The following SPAG16 variants were observed in gnomAD, a reference collection of about 807,000 sequenced individuals.
SPAG16 encodes the protein sperm associated antigen 16.
In SPAG16, 86 loss-of-function variants were observed where a neutral mutation model predicts 80.4. That is an observed-to-expected ratio of 1.07 (90% CI 0.90 to 1.28). The LOEUF is 1.28. Ranked by LOEUF, SPAG16 falls within the 50% of genes most tolerant of loss-of-function variation. The probability of loss-of-function intolerance (pLI) is 0.00; values close to 1 mark genes in which losing one functional copy is unlikely to be tolerated. For missense variants in SPAG16, 870 were observed against 765.3 expected (o/e 1.14, Z -1.61); for synonymous variants, 294 against 265.9 (o/e 1.11, Z -1.03).
In SPAG16 at chr2:214,321,949, T is replaced by C. The variant is rs182892095; in HGVS notation, c.1721-88191T>C. 1.8e-4 allele frequency among the ~76,000 whole-genome samples: 27 copies of C among 152,344 alleles called. No individual in the cohort carries two copies. The East Asian group carries it at 5.2e-3, about 29-fold the overall frequency. On this transcript the variant is annotated intron_variant, in intron 15 of 15. Transcript: ENST00000331683. The stretch of plus-strand genomic sequence containing the variant: ...GCTGCTTTGTTTTGTGCTTCTACAA[T>C]ACTTTGTACATACATTATTGTTTTA...
At chr2:214,199,837 A>G (rs897897086) in intron 15 of SPAG16, among the ~76,000 whole-genome samples, 3 of 151,974 alleles carry the variant, frequency 2.0e-5, no homozygotes, top group African/African-American at 4.8e-5. Context: ...AGTATATTCC[A>G]AAGTATTTGA....
At chr2:214,256,778 A>G (rs1262790131) in intron 15 of SPAG16, among the ~76,000 whole-genome samples, 2 of 151,852 alleles carry the variant, frequency 1.3e-5, no homozygotes, top group East Asian at 3.9e-4. Context: ...ACATTGATCT[A>G]TTGTCAATTT....
chr2:213,459,265 C>T (rs2072221275), intron 9 of SPAG16, among the ~76,000 whole-genome samples: 1 of 152,164 alleles, frequency 6.6e-6, no homozygotes, highest in South Asian at 2.1e-4. Flanking sequence ...TCTTACGTTT[C>T]ATATGCCTAT....
At position 213,434,541 on chromosome 2, in the gene SPAG16, A is replaced by T. The variant is rs532669981; in HGVS notation, c.943-55422A>T. Among the ~76,000 whole-genome samples the T allele has an allele frequency of 2.0e-5, 3 of 152,364 alleles. No individual in the cohort carries two copies. In the South Asian group the frequency reaches 6.2e-4, roughly 32 times the overall value. ...AACAGAGTTAACAGACAACTTGCAGAATAGGAGAAAGTATTTGCAAACTAT... is the reference window on the plus strand; with the variant it reads ...AACAGAGTTAACAGACAACTTGCAGTATAGGAGAAAGTATTTGCAAACTAT... On this transcript the variant is annotated intron_variant, in intron 9 of 15. Transcript: ENST00000331683.
intron 15 of SPAG16, among the ~76,000 whole-genome samples, chr2:214,210,329 A>G (rs1471949676): frequency 6.6e-6 from 1 of 152,178 alleles, no homozygotes; most frequent in African/African-American, 2.4e-5. Flanking sequence ...ATTTGTGACA[A>G]TCTGAAAAAA....
chr2:213,297,343 G>T lies in SPAG16; in HGVS notation c.265G>T (p.Asp89Tyr), dbSNP rs1210021560. 4.4e-6 allele frequency: 7 copies of T among 1,608,722 alleles called. No homozygotes were observed. Among genetic ancestry groups the T allele is most frequent in the Non-Finnish European group, 5.9e-6 (7 of 1,177,260 alleles). Residue 89 changes from aspartate (D) to tyrosine (Y), a missense_variant, in exon 3 of 16, where the codon GAT (aspartate) becomes TAT (tyrosine). Coordinates refer to ENST00000331683, the MANE Select transcript of SPAG16 (RefSeq NM_024532.5). The stretch of plus-strand genomic sequence containing the variant: ...TCAGATGGCCCAAGAACAGGCTACA[G>T]ATACTGAAATTTTGGTGAGAATTTG... ...AIQMAQEQAT[D>Y]TEILERKTVL...
At chr2:213,794,753 C>T (rs1304782707) in intron 10 of SPAG16, among the ~76,000 whole-genome samples, 1 of 151,878 alleles carries the variant, frequency 6.6e-6, no homozygotes, top group Non-Finnish European at 1.5e-5. Context: ...GAAAAATACA[C>T]TAAAACTATG....
chr2:213,496,055 A>T (rs1048628865), intron 10 of SPAG16, among the ~76,000 whole-genome samples: 1 of 152,300 alleles, frequency 6.6e-6, no homozygotes, highest in Non-Finnish European at 1.5e-5. Flanking sequence ...ACAGTTTTAC[A>T]TACATAAAAA....
intron 15 of SPAG16, among the ~76,000 whole-genome samples, chr2:214,380,161 A>ACTT (rs1443802539): frequency 2.6e-5 from 4 of 152,192 alleles, no homozygotes; most frequent in Non-Finnish European, 4.4e-5. Flanking sequence ...ATTACAGAAA[A>ACTT]CTTTTCCTTA....
At chr2:214,027,754 A>G (rs567526736) in intron 13 of SPAG16, among the ~76,000 whole-genome samples, 1 of 152,002 alleles carries the variant, frequency 6.6e-6, no homozygotes, top group Admixed American at 6.6e-5. Flanking sequence ...GCTACCATTG[A>G]CATTAATTTC....
At chr2:214,111,576 C>G (rs1297349644) in intron 14 of SPAG16, among the ~76,000 whole-genome samples, 2 of 152,172 alleles carry the variant, frequency 1.3e-5, no homozygotes, top group African/African-American at 2.4e-5. Flanking sequence ...ATGCCTCCAG[C>G]TTTGTTCTTT....
chr2:213,836,626 T>C (rs1223135913), intron 10 of SPAG16, among the ~76,000 whole-genome samples: 1 of 152,154 alleles, frequency 6.6e-6, no homozygotes, highest in South Asian at 2.1e-4. Context: ...TATTTTTTTA[T>C]TTTTTTAGAT....
chr2:213,596,814 C>T (rs534115905), intron 10 of SPAG16, among the ~76,000 whole-genome samples: 3 of 152,176 alleles, frequency 2.0e-5, no homozygotes, highest in African/African-American at 4.8e-5. Flanking sequence ...AAATTAAACA[C>T]GTTGCCTTCA....
chr2:213,432,909 A>G (rs2070392352), intron 9 of SPAG16, among the ~76,000 whole-genome samples: 1 of 152,230 alleles, frequency 6.6e-6, no homozygotes, highest in Non-Finnish European at 1.5e-5. Flanking sequence ...CACCATGATC[A>G]AGTGGTTCCC....
At chr2:214,196,483 A>G (rs984101950) in intron 15 of SPAG16, among the ~76,000 whole-genome samples, 2 of 152,096 alleles carry the variant, frequency 1.3e-5, no homozygotes, top group East Asian at 3.9e-4. Context: ...AATAAAGGCA[A>G]CTATCATTGC....
intron 15 of SPAG16, among the ~76,000 whole-genome samples, chr2:214,288,524 TACTA>T: frequency 6.6e-6 from 1 of 152,226 alleles, no homozygotes. Flanking sequence ...ATAGTGGTTA[TACTA>T]ACTTTCATTC....
chr2:213,659,258 A>C lies in SPAG16; in HGVS notation c.1070+169168A>C, dbSNP rs1006195559. On this transcript the variant is annotated intron_variant, in intron 10 of 15. Coordinates refer to ENST00000331683, the MANE Select transcript of SPAG16 (RefSeq NM_024532.5). The stretch of plus-strand genomic sequence containing the variant: ...GAGCAACATGGCAGATACCTTTAGA[A>C]AGTGTACATTCTCAGTGCTTCCTCT... Among the ~76,000 whole-genome samples the C allele has an allele frequency of 1.4e-4, 21 of 151,960 alleles. 1 individual carries two copies. Among genetic ancestry groups the C allele is most frequent in the African/African-American group, 4.4e-4 (18 of 41,358 alleles).
chr2:213,579,096 ATT>A (rs140949640), intron 10 of SPAG16, among the ~76,000 whole-genome samples: 2,543 of 152,196 alleles, frequency 0.017, 36 homozygotes, highest in South Asian at 0.053. Flanking sequence ...TATGTATTGA[ATT>A]TTAGGTATTT....
At chr2:214,365,648 T>C (rs1194313546) in intron 15 of SPAG16, among the ~76,000 whole-genome samples, 1 of 152,180 alleles carries the variant, frequency 6.6e-6, no homozygotes, top group Admixed American at 6.5e-5. Flanking sequence ...TCCATTATGA[T>C]ATAAAGGTGA....
Sources: gnomAD v4.1 joint callset for allele counts (sites outside exome capture counted in the v4.1 genomes callset) on GRCh38, gnomAD v4.1.1 for gene constraint, MANE v1.5 for transcripts, NCBI Gene and HGNC (gene_info 2026-07-23, HGNC 2026-07-21) for gene names.